Variants in NXPH1 observed in about 807,000 individuals in gnomAD.
NXPH1 encodes the protein neurexophilin-1.
Under a neutral mutation model 23.7 loss-of-function variants are expected in NXPH1, and 5 were observed. That is an observed-to-expected ratio of 0.21 (90% CI 0.11 to 0.44). NXPH1 has a LOEUF of 0.44. Among genes scored for constraint, NXPH1 ranks in the 20% least tolerant of loss-of-function variants. The probability of loss-of-function intolerance (pLI) is 0.99; values close to 1 mark genes in which losing one functional copy is unlikely to be tolerated. For synonymous variants in NXPH1, 144 were observed against 122.2 expected, an observed-to-expected ratio of 1.18 and a Z score of -1.18; for missense variants, 324 against 321.6, an observed-to-expected ratio of 1.01 and a Z score of -0.06.
chr7:8,578,670 G>A (rs927332062), intron 2 of NXPH1, among the ~76,000 whole-genome samples: 4 of 152,118 alleles, frequency 2.6e-5, no homozygotes, highest in Non-Finnish European at 5.9e-5. Context: ...AAATAAAGAC[G>A]GACAAAGTCT....
intron 2 of NXPH1, among the ~76,000 whole-genome samples, chr7:8,732,296 T>C (rs7810828): frequency 0.63 from 96,328 of 152,138 alleles, 32,102 homozygotes; most frequent in African/African-American, 0.85. Context: ...AGAAATCACC[T>C]GTCTTCTGTG....
chr7:8,478,137 G>T (rs990225246), intron 2 of NXPH1, among the ~76,000 whole-genome samples: 1 of 152,062 alleles, frequency 6.6e-6, no homozygotes, highest in Non-Finnish European at 1.5e-5. Flanking sequence ...AAATTACCTT[G>T]CATGAGAACT....
chr7:8,729,745 G>A lies in NXPH1; in HGVS notation c.55-21263G>A, dbSNP rs1255549432. On this transcript the variant is annotated intron_variant, in intron 2 of 2. Transcript: ENST00000405863. ...TCTGTTCTTTTACATTTGCTGAGGA[G>A]AGCTTTACTTCCAAGTATGTGGTCA... is the stretch of plus-strand genomic sequence containing the variant. Among the ~76,000 whole-genome samples the A allele has an allele frequency of 1.8e-4, 28 of 151,890 alleles. No homozygotes were observed. In the East Asian group the frequency reaches 2.1e-3, roughly 12 times the overall value.
intron 2 of NXPH1, among the ~76,000 whole-genome samples, chr7:8,436,469 G>T (rs1445548404): frequency 6.6e-6 from 1 of 152,182 alleles, no homozygotes; most frequent in Non-Finnish European, 1.5e-5. Flanking sequence ...ACAAAGCCGC[G>T]GTCCTTGTCC....
At chr7:8,568,523 T>C (rs1434706384) in intron 2 of NXPH1, among the ~76,000 whole-genome samples, 11 of 151,824 alleles carry the variant, frequency 7.2e-5, no homozygotes, top group Non-Finnish European at 1.6e-4. Flanking sequence ...CACAGCATTA[T>C]GACCTCCTAA....
At position 8,555,669 on chromosome 7, in the gene NXPH1, C is replaced by T. The variant is rs376590120; in HGVS notation, c.54+119902C>T. On this transcript the variant is annotated intron_variant, in intron 2 of 2. Coordinates refer to ENST00000405863, the MANE Select transcript of NXPH1 (RefSeq NM_152745.3). ...ATCTCCCCAACCTCATTTCTTTGTT[C>T]GTCTTGGCAAGGACCCTCTGCTAGA... 5.9e-5 allele frequency among the ~76,000 whole-genome samples: 9 copies of T among 151,804 alleles called. No individual in the cohort carries two copies. The East Asian group carries it at 1.6e-3, about 26-fold the overall frequency.
intron 2 of NXPH1, among the ~76,000 whole-genome samples, chr7:8,618,465 T>C (rs1439962675): frequency 1.3e-5 from 2 of 152,162 alleles, no homozygotes; most frequent in African/African-American, 4.8e-5. Context: ...TTAAATATTT[T>C]ATTAACTTTG....
Position 8,609,381 on chromosome 7 carries a change from A to G in NXPH1, c.55-141627A>G, listed in dbSNP as rs148973195. ...AATATAACAATCAAGAAACAGTCTA[A>G]AAAACTGGCAATGGAAGAAAGAATG... is the stretch of plus-strand genomic sequence containing the variant. On this transcript the variant is annotated intron_variant, in intron 2 of 2. Coordinates refer to ENST00000405863, the MANE Select transcript of NXPH1 (RefSeq NM_152745.3). 1.4e-4 allele frequency among the ~76,000 whole-genome samples: 21 copies of G among 152,308 alleles called. No homozygotes were observed. In the East Asian group the frequency reaches 4.1e-3, roughly 29 times the overall value.
chr7:8,640,300 T>C (rs948649604), intron 2 of NXPH1, among the ~76,000 whole-genome samples: 2 of 138,292 alleles, frequency 1.4e-5, no homozygotes, highest in Non-Finnish European at 3.0e-5. Context: ...ACTTTTAAAA[T>C]ATTATATGGG....
chr7:8,590,047 C>T (rs1301452185), intron 2 of NXPH1, among the ~76,000 whole-genome samples: 1 of 152,066 alleles, frequency 6.6e-6, no homozygotes, highest in Admixed American at 6.6e-5. Flanking sequence ...CACTGAGAGG[C>T]TATGACAGTG....
chr7:8,608,998 C>G (rs983876722), intron 2 of NXPH1, among the ~76,000 whole-genome samples: 3 of 152,078 alleles, frequency 2.0e-5, no homozygotes, highest in Non-Finnish European at 4.4e-5. Flanking sequence ...GAAATGACTA[C>G]TCTATAATGA....
intron 2 of NXPH1, among the ~76,000 whole-genome samples, chr7:8,630,044 C>T (rs954970640): frequency 6.6e-6 from 1 of 151,940 alleles, no homozygotes; most frequent in East Asian, 1.9e-4. Flanking sequence ...CACATTTCAC[C>T]CTTGGGTCTT....
chr7:8,578,141 C>T (rs1281305664), intron 2 of NXPH1, among the ~76,000 whole-genome samples: 3 of 152,212 alleles, frequency 2.0e-5, no homozygotes, highest in Non-Finnish European at 2.9e-5. Context: ...GACTCCAACA[C>T]TGGTTCCTAC....
chr7:8,671,523 A>G (rs1045923637), intron 2 of NXPH1, among the ~76,000 whole-genome samples: 27 of 152,196 alleles, frequency 1.8e-4, no homozygotes, highest in Admixed American at 1.8e-3. Context: ...ATTACCTTCC[A>G]TTAAGGTCTT....
At chr7:8,569,846 C>A (rs1318774370) in intron 2 of NXPH1, among the ~76,000 whole-genome samples, 1 of 151,828 alleles carries the variant, frequency 6.6e-6, no homozygotes, top group Admixed American at 6.6e-5. Context: ...AGAGGGATAC[C>A]TACGGTATTA....
intron 2 of NXPH1, among the ~76,000 whole-genome samples, chr7:8,538,009 A>G (rs1818055381): frequency 6.6e-6 from 1 of 151,914 alleles, no homozygotes; most frequent in Non-Finnish European, 1.5e-5. Context: ...TGATAGTAAC[A>G]ATAGCAATAG....
chr7:8,737,129 C>G (rs1780273686), intron 2 of NXPH1, among the ~76,000 whole-genome samples: 1 of 152,086 alleles, frequency 6.6e-6, no homozygotes, highest in South Asian at 2.1e-4. Context: ...AGCCCATTTA[C>G]ATTTAAAGTT....
At chr7:8,457,810 G>A (rs1053705570) in intron 2 of NXPH1, among the ~76,000 whole-genome samples, 2 of 151,958 alleles carry the variant, frequency 1.3e-5, no homozygotes, top group African/African-American at 4.8e-5. Context: ...ATCAAGGTTG[G>A]CATTTCTGTC....
intron 2 of NXPH1, among the ~76,000 whole-genome samples, chr7:8,658,316 T>TA: frequency 6.6e-6 from 1 of 152,384 alleles, no homozygotes; most frequent in East Asian, 1.9e-4. Context: ...TGGTGTCTAA[T>TA]TTATGTTAAG....
Sources: allele counts gnomAD v4.1 joint callset (sites outside exome capture counted in the v4.1 genomes callset), GRCh38; gene constraint gnomAD v4.1.1; transcripts MANE v1.5; gene names NCBI Gene and HGNC (gene_info 2026-07-23, HGNC 2026-07-21).